Variants in CECR2 observed in about 807,000 individuals in gnomAD.
CECR2 encodes the protein CECR2 histone acetyl-lysine reader.
CECR2 carries 30 observed loss-of-function variants against 154.5 expected under a neutral mutation model. The observed-to-expected ratio is 0.19, with a 90% CI of 0.15 to 0.26. The LOEUF (loss-of-function observed/expected upper bound fraction) is 0.26, where lower values mean the gene tolerates loss of function less well. Among genes scored for constraint, CECR2 ranks in the 10% least tolerant of loss-of-function variants. CECR2 has a pLI of 1.00. For synonymous variants in CECR2, 725 were observed against 683.7 expected (o/e 1.06, Z -0.94); for missense variants, 1,743 against 1,829.3 (o/e 0.95, Z 0.86).
intron 1 of CECR2, among the ~76,000 whole-genome samples, chr22:17,394,195 TGC>T (rs2053773452): frequency 8.5e-6 from 1 of 117,344 alleles, no homozygotes; most frequent in Non-Finnish European, 1.8e-5. Context: ...CTGCTGCCGC[TGC>T]TTTTTTTTTT....
At chr22:17,421,547 G>A (rs532825007) in intron 1 of CECR2, among the ~76,000 whole-genome samples, 61 of 141,436 alleles carry the variant, frequency 4.3e-4, no homozygotes, top group Admixed American at 2.4e-3. Flanking sequence ...CCCGGGAGGC[G>A]GAGCTTGCAG....
At position 17,444,018 on chromosome 22, in the gene CECR2, G is replaced by T. The variant is rs183732351; in HGVS notation, c.127-33570G>T. Among the ~76,000 whole-genome samples the T allele has an allele frequency of 3.0e-4, 46 of 152,246 alleles. 1 individual carries two copies. The East Asian group carries it at 7.5e-3, about 25-fold the overall frequency. ...CTAAAACATTAATTAAACTCTCTAGGCTTCACCCTTCCTCCCAGGTATTTG... is the reference window on the plus strand; with the variant it reads ...CTAAAACATTAATTAAACTCTCTAGTCTTCACCCTTCCTCCCAGGTATTTG... On this transcript the variant is annotated intron_variant, in intron 1 of 18. Transcript: ENST00000262608.
At position 17,490,643 on chromosome 22, in the gene CECR2, G is replaced by T. The variant is rs58177124; in HGVS notation, c.222-6760G>T. ...ATTTTTTATTTTTAGTAGAGACAGG[G>T]TTTCACCATATTGGCCAGGCTGGTC... On this transcript the variant is annotated intron_variant, in intron 2 of 18. Coordinates refer to ENST00000262608, the MANE Select transcript of CECR2 (RefSeq NM_001290047.2). 7.9e-3 allele frequency among the ~76,000 whole-genome samples: 1,194 copies of T among 151,736 alleles called. 17 individuals are homozygous for T. Among genetic ancestry groups the T allele is most frequent in the African/African-American group, 0.027 (1,131 of 41,352 alleles).
At chr22:17,479,821 G>A (rs2055275912) in intron 2 of CECR2, among the ~76,000 whole-genome samples, 1 of 144,650 alleles carries the variant, frequency 6.9e-6, no homozygotes, top group African/African-American at 2.6e-5. Flanking sequence ...AGGCTGGAGT[G>A]CAGTGGCAGG....
intron 1 of CECR2, among the ~76,000 whole-genome samples, chr22:17,461,055 G>A (rs558478418): frequency 2.6e-4 from 39 of 152,182 alleles, no homozygotes; most frequent in African/African-American, 8.9e-4. Context: ...TCCCTAATTC[G>A]CAGCATCAGG....
intron 2 of CECR2, among the ~76,000 whole-genome samples, chr22:17,480,191 T>C (rs965972787): frequency 6.6e-6 from 1 of 152,186 alleles, no homozygotes; most frequent in African/African-American, 2.4e-5. Flanking sequence ...CTATCTCTTT[T>C]TTCAGTGTTA....
chr22:17,388,950 C>T (rs2063297058), intron 1 of CECR2, among the ~76,000 whole-genome samples: 1 of 151,946 alleles, frequency 6.6e-6, no homozygotes, highest in Non-Finnish European at 1.5e-5. Flanking sequence ...GTAGCTGGAA[C>T]TACAGGCACA....
rs552546099 is a variant in CECR2, at chr22:17,475,505, G to A, written c.127-2083G>A. Among the ~76,000 whole-genome samples the A allele has an allele frequency of 2.0e-5, 3 of 152,062 alleles. No homozygotes were observed. The East Asian group carries it at 5.8e-4, about 29-fold the overall frequency. ...GACAGGGTCTTGCTGTGTGGCCCAG[G>A]CTGGTCTCAAACTCCTGGGCTCAGT... On this transcript the variant is annotated intron_variant, in intron 1 of 18. Transcript: ENST00000262608.
At position 17,555,355 on chromosome 22, in the gene CECR2, A is replaced by C. The variant is rs2056761145; in HGVS notation, c.*2515A>C. ...CACTGTGAACAAGAACATCAGCAGC[A>C]GCAGAATTGTCAGCCTTCCTGCGTC... On this transcript the variant is annotated 3_prime_UTR_variant, in exon 19 of 19. Coordinates refer to ENST00000262608, the MANE Select transcript of CECR2 (RefSeq NM_001290047.2). 6.6e-6 allele frequency: 1 copy of C among 152,296 alleles called. No homozygotes were observed. 9.4% of individuals were successfully genotyped at this position (152,296 alleles called of 1,614,324 possible). A position where few individuals can be genotyped will look rare whatever the true frequency, so the allele number is the denominator to read the frequency against.
chr22:17,380,059 G>GT (rs66975267), intron 1 of CECR2, among the ~76,000 whole-genome samples: 116 of 151,092 alleles, frequency 7.7e-4, no homozygotes, highest in Non-Finnish European at 1.2e-3. Flanking sequence ...TCTGACCATT[G>GT]TTTTTTTTTG....
At chr22:17,537,380 A>C in intron 10 of CECR2, 148 bp downstream of exon 10, 1 of 849,700 alleles carries the variant, frequency 1.2e-6, no homozygotes, top group Non-Finnish European at 1.8e-6. Flanking sequence ...CTGCACACAC[A>C]GACACGCCTA....
upstream of CECR2, among the ~76,000 whole-genome samples, chr22:17,365,280 A>G (rs1190212302): frequency 6.6e-6 from 1 of 152,202 alleles, no homozygotes; most frequent in African/African-American, 2.4e-5. Flanking sequence ...GACGGTTATG[A>G]AGAAGCCACA....
At chr22:17,525,470 G>A (rs774269578) in intron 9 of CECR2, among the ~76,000 whole-genome samples, 20 of 151,892 alleles carry the variant, frequency 1.3e-4, no homozygotes, top group Admixed American at 3.9e-4. Flanking sequence ...GCCAAACGTG[G>A]TAGCTCACGC....
intron 1 of CECR2, among the ~76,000 whole-genome samples, chr22:17,445,248 G>A (rs908338804): frequency 8.5e-5 from 13 of 152,060 alleles, no homozygotes; most frequent in African/African-American, 1.7e-4. Context: ...AGCTCATTGC[G>A]TGTAACCTCA....
intron 1 of CECR2, among the ~76,000 whole-genome samples, chr22:17,442,122 A>C (rs1263618598): frequency 2.7e-5 from 4 of 148,220 alleles, no homozygotes; most frequent in Non-Finnish European, 4.4e-5. Flanking sequence ...TGAATTCAGA[A>C]GAAGATTCAA....
chr22:17,452,291 C>T (rs988788352), intron 1 of CECR2, among the ~76,000 whole-genome samples: 1 of 152,162 alleles, frequency 6.6e-6, no homozygotes, highest in African/African-American at 2.4e-5. Flanking sequence ...CAGGGCTGGT[C>T]TCGAGCTCCT....
In CECR2 at chr22:17,552,106, G is replaced by T. The variant is rs752922925; in HGVS notation, c.4353G>T (p.Val1451=). The change falls in exon 18 of 19, where the codon GTG becomes GTT. Residue 1451 remains valine, a synonymous_variant. Coordinates refer to ENST00000262608, the MANE Select transcript of CECR2 (RefSeq NM_001290047.2). ...TPTAATSQEE[V]PPHKPPTLPL... ...CAGCAGCAACATCACAGGAGGAGGTGCCGCCTCATAAGCCTCCAACACTTC... is the reference window on the plus strand; with the variant it reads ...CAGCAGCAACATCACAGGAGGAGGTTCCGCCTCATAAGCCTCCAACACTTC... 3.7e-6 allele frequency: 6 copies of T among 1,613,862 alleles called. No individual in the cohort carries two copies. The highest frequency in any genetic ancestry group is 5.1e-6 in the Non-Finnish European group (6 of 1,179,898).
chr22:17,364,056 C>T lies in CECR2; in HGVS notation c.-364+4033C>T, dbSNP rs183285853. ...CATGAAGGGTTGTCAAGAATTTGTG[C>T]CATACTCCCGGGCGCGGTGGCTCAT... On this transcript the variant is annotated intron_variant, in intron 1 of 18. Coordinates refer to the CECR2 transcript ENST00000400585. Among the ~76,000 whole-genome samples the T allele has an allele frequency of 1.2e-3, 184 of 152,072 alleles. 2 individuals are homozygous for T. Among genetic ancestry groups the T allele is most frequent in the Non-Finnish European group, 2.4e-3 (164 of 67,990 alleles).
At chr22:17,460,003 ATTTC>A (rs1249128980) in intron 1 of CECR2, among the ~76,000 whole-genome samples, 1 of 151,868 alleles carries the variant, frequency 6.6e-6, no homozygotes, top group Non-Finnish European at 1.5e-5. Flanking sequence ...CCATTGATCT[ATTTC>A]TTCTCTTCCT....
Sources: gnomAD v4.1 joint callset for allele counts (sites outside exome capture counted in the v4.1 genomes callset) on GRCh38, gnomAD v4.1.1 for gene constraint, MANE v1.5 for transcripts, NCBI Gene and HGNC (gene_info 2026-07-23, HGNC 2026-07-21) for gene names.